Variants in ATP9A observed in about 807,000 individuals in gnomAD.
The protein encoded by ATP9A is probable phospholipid-transporting ATPase IIA.
ATP9A carries 52 observed loss-of-function variants against 144.1 expected under a neutral mutation model. The ratio of observed to expected loss-of-function variants is 0.36; its 90% CI spans 0.29 to 0.45. The LOEUF is 0.45. Among genes scored for constraint, ATP9A ranks in the 20% least tolerant of loss-of-function variants. ATP9A has a pLI of 1.00. For synonymous variants in ATP9A, 582 were observed against 557.4 expected (o/e 1.04, Z -0.62); for missense variants, 947 against 1,392.7 (o/e 0.68, Z 5.09).
At chr20:51,689,038 C>T (rs1189513378) in intron 9 of ATP9A, 26 bp downstream of exon 9, 2 of 1,610,026 alleles carry the variant, frequency 1.2e-6, no homozygotes, top group African/African-American at 2.7e-5. Flanking sequence ...CAAATTGCTA[C>T]CACATTCCTC....
chr20:51,687,725 C>G (rs1204353749), intron 9 of ATP9A, among the ~76,000 whole-genome samples: 2 of 151,316 alleles, frequency 1.3e-5, no homozygotes, highest in Admixed American at 6.6e-5. Flanking sequence ...GATTGCACCC[C>G]TGCACTCCAG....
At chr20:51,733,170 A>G (rs1025053111) in intron 1 of ATP9A, among the ~76,000 whole-genome samples, 2 of 152,228 alleles carry the variant, frequency 1.3e-5, no homozygotes, top group African/African-American at 4.8e-5. Flanking sequence ...GCATATGCAC[A>G]AAGTACAGGT....
chr20:51,765,285 A>G (rs1208467301), intron 1 of ATP9A, among the ~76,000 whole-genome samples: 1 of 152,166 alleles, frequency 6.6e-6, no homozygotes, highest in Non-Finnish European at 1.5e-5. Context: ...GAAAATGCAG[A>G]TTATATACAA....
chr20:51,720,280 T>A lies in ATP9A; in HGVS notation c.327+5539A>T, dbSNP rs1176540310. 4.6e-5 allele frequency among the ~76,000 whole-genome samples: 7 copies of A among 152,348 alleles called. No homozygotes were observed. The East Asian group carries it at 1.3e-3, about 29-fold the overall frequency. ...GCAGTATGATAAATGTTATTTTATATACATTGTAGACCAACTTTGTTAAAG... is the reference window on the plus strand; with the variant it reads ...GCAGTATGATAAATGTTATTTTATAAACATTGTAGACCAACTTTGTTAAAG... On this transcript the variant is annotated intron_variant, in intron 3 of 27. Coordinates refer to ENST00000338821, the MANE Select transcript of ATP9A (RefSeq NM_006045.3).
chr20:51,720,121 G>A (rs1406810760), intron 3 of ATP9A, among the ~76,000 whole-genome samples: 1 of 152,188 alleles, frequency 6.6e-6, no homozygotes, highest in Non-Finnish European at 1.5e-5. Context: ...ACTCTGGAGG[G>A]AAGGACAAGA....
In ATP9A at chr20:51,601,483, C is replaced by T. The variant is rs530953906; in HGVS notation, c.3008-136G>A. ...AACCCACAGCCTCCTGGCATTGGCC[C>T]TCTTTCTCCATGGACTGTAAGGGAA... On this transcript the variant is annotated intron_variant, in intron 27 of 27. Coordinates refer to ENST00000338821, the MANE Select transcript of ATP9A (RefSeq NM_006045.3). 9.8e-6 allele frequency: 9 copies of T among 919,440 alleles called. No homozygotes were observed. The South Asian group carries it at 1.6e-4, about 17-fold the overall frequency. The allele number at this position is 919,440 out of a possible 1,614,324, so 57.0% of individuals were successfully genotyped here.
At chr20:51,655,234 A>T (rs1457714590) in intron 14 of ATP9A, among the ~76,000 whole-genome samples, 1 of 152,204 alleles carries the variant, frequency 6.6e-6, no homozygotes, top group Non-Finnish European at 1.5e-5. Context: ...ATAGTAAGTG[A>T]AAAAAGGAGG....
chr20:51,759,957 C>T (rs866786511), intron 1 of ATP9A, among the ~76,000 whole-genome samples: 53 of 152,216 alleles, frequency 3.5e-4, no homozygotes, highest in Middle Eastern at 3.4e-3. Context: ...CTCCCTGCCC[C>T]GCCCCCAGAC....
intron 16 of ATP9A, among the ~76,000 whole-genome samples, chr20:51,628,399 C>A (rs1222056464): frequency 6.6e-6 from 1 of 152,152 alleles, no homozygotes; most frequent in East Asian, 1.9e-4. Flanking sequence ...TGAGTGTGTG[C>A]TGGACCTAGT....
At position 51,645,346 on chromosome 20, in the gene ATP9A, C is replaced by T. The variant is rs373531065; in HGVS notation, c.1507-5842G>A. 1.2e-4 allele frequency among the ~76,000 whole-genome samples: 18 copies of T among 152,204 alleles called. 2 individuals are homozygous for T. The highest frequency in any genetic ancestry group is 3.9e-4 in the East Asian group (2 of 5,172). Reference sequence around the variant, plus strand: ...ACCAGCCTGGCCAACATGGTGAAACCCTGTCTCTACTAAAGATACAAAAAT... The same window carrying T: ...ACCAGCCTGGCCAACATGGTGAAACTCTGTCTCTACTAAAGATACAAAAAT... On this transcript the variant is annotated intron_variant, in intron 14 of 27. Transcript: ENST00000338821.
chr20:51,716,635 G>A (rs1405410897), intron 3 of ATP9A, among the ~76,000 whole-genome samples: 1 of 152,086 alleles, frequency 6.6e-6, no homozygotes, highest in African/African-American at 2.4e-5. Context: ...CAGCCTGGGC[G>A]ACAGAATGAG....
intron 4 of ATP9A, among the ~76,000 whole-genome samples, chr20:51,699,933 G>A (rs924792981): frequency 8.5e-5 from 13 of 152,098 alleles, no homozygotes; most frequent in East Asian, 3.9e-4. Flanking sequence ...GAGCCACTGC[G>A]CCCGGCCAAC....
chr20:51,618,936 A>G lies in ATP9A; in HGVS notation c.2205+18T>C. 6.2e-7 allele frequency: 1 copy of G among 1,613,426 alleles called. No individual in the cohort carries two copies. The highest frequency in any genetic ancestry group is 1.1e-5 in the South Asian group (1 of 91,050). On this transcript the variant is annotated intron_variant, in intron 20 of 27. Coordinates refer to ENST00000338821, the MANE Select transcript of ATP9A (RefSeq NM_006045.3). ...CAGGCTGCTGGGAGGACTGGCTCTC[A>G]GGGGTCCCCAAGCTCACCTCCAGGG...
intron 14 of ATP9A, among the ~76,000 whole-genome samples, chr20:51,651,264 T>TTTAC (rs2077364019): frequency 1.0e-5 from 1 of 100,202 alleles, no homozygotes; most frequent in Non-Finnish European, 2.1e-5. Flanking sequence ...TAATATATTA[T>TTTAC]ATAATATATA....
intron 13 of ATP9A, among the ~76,000 whole-genome samples, chr20:51,669,630 T>C (rs2077447561): frequency 6.6e-6 from 1 of 152,186 alleles, no homozygotes; most frequent in South Asian, 2.1e-4. Flanking sequence ...ATTGGGCATA[T>C]AATTTTCTCA....
chr20:51,681,410 T>C (rs1481892198), intron 9 of ATP9A, among the ~76,000 whole-genome samples: 1 of 149,294 alleles, frequency 6.7e-6, no homozygotes, highest in Non-Finnish European at 1.5e-5. Context: ...ATTTCCTCTA[T>C]AGCCCATCCT....
At chr20:51,665,183 A>G (rs2077427615) in intron 13 of ATP9A, among the ~76,000 whole-genome samples, 1 of 151,394 alleles carries the variant, frequency 6.6e-6, no homozygotes, top group South Asian at 2.1e-4. Flanking sequence ...TTCTATTTAT[A>G]GGCAATGTTC....
rs1477478838 is a variant in ATP9A, at chr20:51,748,940, T to TAGACAGAC, written c.69-18963_69-18962insGTCTGTCT. Among the ~76,000 whole-genome samples the TAGACAGAC allele has an allele frequency of 8.4e-3, 783 of 93,478 alleles. 4 individuals carry two copies. Among genetic ancestry groups the TAGACAGAC allele is most frequent in the Non-Finnish European group, 0.01 (418 of 40,030 alleles). 61.3% of individuals were successfully genotyped at this position (93,478 alleles called of 152,430 possible). A position where few individuals can be genotyped will look rare whatever the true frequency, so the allele number is the denominator to read the frequency against. On this transcript the variant is annotated intron_variant, in intron 1 of 27. Transcript: ENST00000338821. ...ATAGATAGATAGATAGATAGATAGA[T>TAGACAGAC]AGATAGATAGACAGACAGACAGACA...
Position 51,613,817 on chromosome 20 carries a change from A to G in ATP9A, c.2431T>C (p.Ser811Pro). 6.2e-7 allele frequency: 1 copy of G among 1,612,824 alleles called. No individual in the cohort carries two copies. Among genetic ancestry groups the G allele is most frequent in the Non-Finnish European group, 8.5e-7 (1 of 1,179,596 alleles). ...GVEGKEGKQASLAADFSITQF... is the reference protein window; with the variant it reads ...GVEGKEGKQAPLAADFSITQF... ...GTGATGGAGAAGTCTGCAGCCAACG[A>G]AGCCTGTTTTCCTTCCTAAAATCCA... Residue 811 changes from serine (S) to proline (P), a missense_variant, in exon 23 of 28, where the codon TCG (serine) becomes CCG (proline). By Grantham distance (74) the Ser-to-Pro change is moderately conservative (BLOSUM62 -1). Transcript: ENST00000338821.
Sources: allele counts gnomAD v4.1 joint callset (sites outside exome capture counted in the v4.1 genomes callset), GRCh38; gene constraint gnomAD v4.1.1; transcripts MANE v1.5; gene names NCBI Gene and HGNC (gene_info 2026-07-23, HGNC 2026-07-21).